Variants in PRKN observed in about 807,000 individuals in gnomAD.
PRKN encodes the protein parkin RBR E3 ubiquitin protein ligase, also known as E3 ubiquitin-protein ligase parkin.
Under a neutral mutation model 59.5 loss-of-function variants are expected in PRKN, and 56 were observed. The observed-to-expected ratio is 0.94, with a 90% confidence interval of 0.76 to 1.18. PRKN has a LOEUF of 1.18. Among genes scored for constraint, PRKN ranks in the 50% most tolerant of loss-of-function variants. The probability of loss-of-function intolerance (pLI) is 0.00; values close to 1 mark genes in which losing one functional copy is unlikely to be tolerated. For synonymous variants in PRKN, 250 were observed against 222.1 expected, an observed-to-expected ratio of 1.13 and a Z score of -1.12; for missense variants, 657 against 596.4, an observed-to-expected ratio of 1.10 and a Z score of -1.06.
chr6:162,364,979 CT>C (rs574680485), intron 2 of PRKN, among the ~76,000 whole-genome samples: 163 of 126,772 alleles, frequency 1.3e-3, no homozygotes, highest in Middle Eastern at 4.5e-3. Context: ...CTCTCTCTCT[CT>C]TTTTTTTTTT....
chr6:162,437,773 T>C (rs1296607815), intron 2 of PRKN, among the ~76,000 whole-genome samples: 4 of 152,228 alleles, frequency 2.6e-5, no homozygotes, highest in Non-Finnish European at 4.4e-5. Context: ...GCTCCTTTTT[T>C]ACTGCTGAGT....
intron 9 of PRKN, among the ~76,000 whole-genome samples, chr6:161,495,069 AAT>A (rs1777697200): frequency 6.6e-6 from 1 of 152,244 alleles, no homozygotes; most frequent in Non-Finnish European, 1.5e-5. Flanking sequence ...TGATTTTGAT[AAT>A]ATATTTTATT....
At chr6:161,866,845 T>C (rs1794131899) in intron 6 of PRKN, among the ~76,000 whole-genome samples, 1 of 152,210 alleles carries the variant, frequency 6.6e-6, no homozygotes, top group East Asian at 1.9e-4. Flanking sequence ...ACAAACCTTT[T>C]AAAGTAGCTC....
At chr6:161,783,692 C>G (rs763217943) in intron 7 of PRKN, 2 of 507,654 alleles carry the variant, frequency 3.9e-6, no homozygotes, top group South Asian at 2.9e-5. Flanking sequence ...CTTACCAAAA[C>G]AAAATTGTCA....
intron 6 of PRKN, among the ~76,000 whole-genome samples, chr6:161,812,045 A>C (rs932496235): frequency 5.9e-5 from 9 of 152,150 alleles, no homozygotes; most frequent in African/African-American, 2.2e-4. Context: ...AAAAATGAAC[A>C]GTAAAAGCAA....
intron 2 of PRKN, among the ~76,000 whole-genome samples, chr6:162,336,019 T>C (rs77302543): frequency 0.064 from 9,659 of 151,522 alleles, 426 homozygotes; most frequent in African/African-American, 0.12. Context: ...CATCTCACAC[T>C]GGAATGCGTG....
chr6:161,783,534 T>C, intron 7 of PRKN: 2 of 455,600 alleles, frequency 4.4e-6, no homozygotes. Context: ...TTTTGTATGT[T>C]TGAAATCGTC....
intron 7 of PRKN, among the ~76,000 whole-genome samples, chr6:161,587,326 G>A (rs142226302): frequency 1.7e-4 from 26 of 152,248 alleles, no homozygotes; most frequent in Middle Eastern, 3.4e-3. Context: ...TAAAGAAGAC[G>A]CAATGAAAAT....
intron 4 of PRKN, among the ~76,000 whole-genome samples, chr6:162,168,601 G>A (rs9355985): frequency 0.9 from 131,941 of 146,434 alleles, 60,083 homozygotes; most frequent in Non-Finnish European, 0.97. Context: ...GCATTTGGGG[G>A]ACAAAATGAG....
intron 4 of PRKN, among the ~76,000 whole-genome samples, chr6:162,106,172 C>A (rs191876957): frequency 6.6e-6 from 1 of 152,034 alleles, no homozygotes; most frequent in Non-Finnish European, 1.5e-5. Context: ...CCCGTAAGTA[C>A]GGGAAGAGGA....
intron 7 of PRKN, among the ~76,000 whole-genome samples, chr6:161,780,180 A>G (rs1377497598): frequency 6.6e-6 from 1 of 152,242 alleles, no homozygotes; most frequent in African/African-American, 2.4e-5. Context: ...ACTAAGGTGA[A>G]GAACCTTGCC....
At chr6:161,707,470 C>T (rs914385336) in intron 7 of PRKN, among the ~76,000 whole-genome samples, 4 of 152,104 alleles carry the variant, frequency 2.6e-5, no homozygotes, top group African/African-American at 9.7e-5. Flanking sequence ...TTTATAATAC[C>T]ATATGGACAC....
At chr6:162,302,963 T>TACACACACACACACACACACAC (rs71004084) in intron 2 of PRKN, among the ~76,000 whole-genome samples, 13 of 139,490 alleles carry the variant, frequency 9.3e-5, no homozygotes, top group African/African-American at 2.0e-4. Flanking sequence ...GCCTTAAACA[T>TACACACACACACACACACACAC]ACACACACAC....
intron 6 of PRKN, among the ~76,000 whole-genome samples, chr6:161,839,720 G>A (rs1792905191): frequency 6.6e-6 from 1 of 152,152 alleles, no homozygotes; most frequent in Admixed American, 6.5e-5. Flanking sequence ...ATTCAGAGGA[G>A]GCAGCTTGGA....
chr6:162,017,503 G>T (rs1363385517), intron 5 of PRKN, among the ~76,000 whole-genome samples: 1 of 152,084 alleles, frequency 6.6e-6, no homozygotes, highest in African/African-American at 2.4e-5. Flanking sequence ...CTGACTAAAT[G>T]ATAGAAAATC....
chr6:161,845,443 C>T (rs1793163130), intron 6 of PRKN, among the ~76,000 whole-genome samples: 1 of 152,174 alleles, frequency 6.6e-6, no homozygotes, highest in Admixed American at 6.5e-5. Flanking sequence ...AGGATGCTAG[C>T]ACACCATTTG....
At chr6:161,504,958 T>C (rs1778104275) in intron 9 of PRKN, among the ~76,000 whole-genome samples, 1 of 146,284 alleles carries the variant, frequency 6.8e-6, no homozygotes, top group Non-Finnish European at 1.5e-5. Context: ...AAGTCTTTGC[T>C]ATTGTGAATA....
chr6:161,554,734 G>GTATA lies in PRKN; in HGVS notation c.934-5735_934-5732dup, dbSNP rs1312718879. Among the ~76,000 whole-genome samples, 1,495 of 140,874 alleles carry GTATA rather than the reference G, an allele frequency of 0.011. 8 individuals are homozygous for GTATA. Among genetic ancestry groups the GTATA allele is most frequent in the South Asian group, 0.025 (108 of 4,400 alleles). 92.4% of individuals were successfully genotyped at this position (140,874 alleles called of 152,430 possible). A position where few individuals can be genotyped will look rare whatever the true frequency, so the allele number is the denominator to read the frequency against. The stretch of plus-strand genomic sequence containing the variant: ...GGATTGTGTGTGTGTGTGTGTGTGT[G>GTATA]TATATATATATATATATATACATAC... On this transcript the variant is annotated intron_variant, in intron 8 of 11. Transcript: ENST00000366898. This position sits in a 1 kb window ranked among gnomAD's most constrained non-coding sequence, Gnocchi z 4.5.
intron 3 of PRKN, among the ~76,000 whole-genome samples, chr6:162,243,786 A>C (rs971085988): frequency 4.6e-5 from 7 of 152,154 alleles, no homozygotes; most frequent in African/African-American, 1.7e-4. Flanking sequence ...TGAGCTAATT[A>C]TTCAATGCAA....
Sources: gnomAD v4.1 joint callset for allele counts (sites outside exome capture counted in the v4.1 genomes callset) on GRCh38, gnomAD v4.1.1 for gene constraint, Gnocchi (gnomAD v3.1) non-coding constraint, MANE v1.5 for transcripts, NCBI Gene and HGNC (gene_info 2026-07-23, HGNC 2026-07-21) for gene names.